CR1: variants seen among roughly 807,000 people sequenced by gnomAD.
The protein encoded by CR1 is complement C3b/C4b receptor 1 (Knops blood group).
A neutral mutation model predicts 187.3 loss-of-function variants in CR1; 116 were observed. That is an observed-to-expected ratio of 0.62 (90% confidence interval 0.53 to 0.72). The LOEUF is 0.72. CR1 is among the 30% of genes least tolerant of loss of function. The probability of loss-of-function intolerance (pLI) is 0.00; values close to 1 mark genes in which losing one functional copy is unlikely to be tolerated. For synonymous variants in CR1, 576 were observed against 747.1 expected (o/e 0.77, Z 3.73); for missense variants, 1,731 against 2,110.7 (o/e 0.82, Z 3.52).
intron 32 of CR1, 136 bp downstream of exon 32, chr1:207,582,139 T>C (rs1392861080): frequency 1.9e-6 from 1 of 522,008 alleles, no homozygotes; most frequent in African/African-American, 2.0e-5. Flanking sequence ...TTGGAATAGA[T>C]ACAAGCAATG....
At position 207,582,108 on chromosome 1, in the gene CR1, T is replaced by C. The variant is rs1324090522; in HGVS notation, c.5302+105T>C. The C allele has an allele frequency of 7.2e-6, 5 of 693,376 alleles. No individual in the cohort carries two copies. The African/African-American group carries it at 9.2e-5, about 13-fold the overall frequency. The allele number at this position is 693,376 out of a possible 1,614,324, so 43.0% of individuals were successfully genotyped here. ...GTTTGTCCCGCTGTTTGTGCCCGCT[T>C]TTGATAGAAATTGTTCTTTGTTGGA... On this transcript the variant is annotated intron_variant, in intron 32 of 46. Transcript: ENST00000367049.
intron 46 of CR1, among the ~76,000 whole-genome samples, chr1:207,638,489 T>C (rs371695873): frequency 2.6e-4 from 39 of 152,266 alleles, no homozygotes; most frequent in African/African-American, 8.4e-4. Flanking sequence ...AGACATCTGC[T>C]CCAGTGTCTA....
At chr1:207,632,839 A>G (rs1315126846) in intron 46 of CR1, among the ~76,000 whole-genome samples, 6 of 151,296 alleles carry the variant, frequency 4.0e-5, no homozygotes, top group Non-Finnish European at 5.9e-5. Context: ...AAAATAAGAC[A>G]GAAAATATTG....
At chr1:207,639,137 C>G (rs1662905519) in intron 46 of CR1, among the ~76,000 whole-genome samples, 2 of 152,202 alleles carry the variant, frequency 1.3e-5, no homozygotes, top group Non-Finnish European at 2.9e-5. Flanking sequence ...ATTGACTAGC[C>G]CAGTGTTTTC....
rs12753322 is a variant in CR1 at position 207,525,021 on chromosome 1, T to C, written c.886+1012T>C. 1.2e-3 allele frequency among the ~76,000 whole-genome samples: 184 copies of C among 152,040 alleles called. 2 individuals carry two copies. Among genetic ancestry groups the C allele is most frequent in the Middle Eastern group, 6.8e-3 (2 of 294 alleles). ...GGAAAGTTACAATCATGGTGGAAGG[T>C]AAAGAGGAAGCACGCATATCTTCAT... is the stretch of plus-strand genomic sequence containing the variant. On this transcript the variant is annotated intron_variant, in intron 5 of 46. Transcript: ENST00000367049.
In CR1 at chr1:207,584,833, T is replaced by C; in HGVS notation, c.5487T>C (p.Val1829=). 6.2e-7 allele frequency: 1 copy of C among 1,613,942 alleles called. No individual in the cohort carries two copies. The highest frequency in any genetic ancestry group is 8.5e-7 in the Non-Finnish European group (1 of 1,179,860). The change falls in exon 33 of 47, where the codon GTT becomes GTC. Residue 1829 remains valine, a synonymous_variant. Coordinates refer to ENST00000367049, the MANE Select transcript of CR1 (RefSeq NM_000651.6). ...RCTSDPHGNG[V]WSSPAPRCEL... ...CAAGTGACCCTCATGGGAATGGGGT[T>C]TGGAGCAGCCCTGCCCCTCGCTGTG... is the stretch of plus-strand genomic sequence containing the variant.
At chr1:207,587,360 G>T in intron 33 of CR1, 26 bp from the exon 34 acceptor site, 1 of 1,590,334 alleles carries the variant, frequency 6.3e-7, no homozygotes, top group South Asian at 1.1e-5. Context: ...TGCTAACTTT[G>T]ATATTCCTGT....
At chr1:207,565,356 CT>C (rs1298403679) in intron 23 of CR1, among the ~76,000 whole-genome samples, 2 of 150,376 alleles carry the variant, frequency 1.3e-5, no homozygotes, top group African/African-American at 5.0e-5. Context: ...CCTTTTGAGC[CT>C]TCTTCACGCC....
At chr1:207,609,923 G>A (rs953450680) in intron 37 of CR1, among the ~76,000 whole-genome samples, 1 of 152,226 alleles carries the variant, frequency 6.6e-6, no homozygotes, top group South Asian at 2.1e-4. Context: ...AATATATGAA[G>A]TAGCTACTAT....
chr1:207,604,270 A>G (rs1382037221), intron 35 of CR1, among the ~76,000 whole-genome samples: 1 of 152,144 alleles, frequency 6.6e-6, no homozygotes, highest in Admixed American at 6.6e-5. Flanking sequence ...ATTGATGTAT[A>G]AGAGTTGTTT....
intron 35 of CR1, chr1:207,605,874 G>C (rs1661735657): frequency 6.6e-6 from 1 of 152,146 alleles, no homozygotes; most frequent in South Asian, 2.1e-4. Flanking sequence ...ACGTAAAAGA[G>C]ACTCACTGTG....
chr1:207,608,510 A>G (rs765968261), intron 36 of CR1, among the ~76,000 whole-genome samples: 4 of 152,134 alleles, frequency 2.6e-5, no homozygotes, highest in Non-Finnish European at 5.9e-5. Flanking sequence ...GTAGTCACTA[A>G]TATTCTTCCC....
chr1:207,600,957 A>G (rs1661587245), intron 35 of CR1: 1 of 152,164 alleles, frequency 6.6e-6, no homozygotes, highest in Non-Finnish European at 1.5e-5. Flanking sequence ...AACTGTCCTC[A>G]GAGAAATTTT....
intron 4 of CR1, among the ~76,000 whole-genome samples, chr1:207,513,563 C>T (rs1175370806): frequency 6.6e-6 from 1 of 152,196 alleles, no homozygotes; most frequent in African/African-American, 2.4e-5. Flanking sequence ...TCTCAAATAT[C>T]AGGCTAATTT....
chr1:207,511,643 C>A lies in CR1; in HGVS notation c.476C>A (p.Pro159His). 2 of 1,612,508 alleles carry A rather than the reference C, an allele frequency of 1.2e-6. No homozygotes were observed. The highest frequency in any genetic ancestry group is 2.2e-5 in the East Asian group (1 of 44,858). Residue 159 changes from proline (P) to histidine (H), a missense_variant, in exon 4 of 47, where the codon CCT (proline) becomes CAT (histidine). Physicochemically the swap from Pro to His is moderately conservative, Grantham distance 77 (BLOSUM62 -2). Coordinates refer to ENST00000367049, the MANE Select transcript of CR1 (RefSeq NM_000651.6). Reference protein sequence around the residue: ...GDTVIWDNETPICDRIPCGLP... With the variant: ...GDTVIWDNETHICDRIPCGLP... The stretch of plus-strand genomic sequence containing the variant: ...ACTGTCATTTGGGATAATGAAACAC[C>A]TATTTGTGACAGTGAGTTGAAATAT...
At chr1:207,522,451 TC>T (rs1163633924) in intron 4 of CR1, among the ~76,000 whole-genome samples, 6 of 152,228 alleles carry the variant, frequency 3.9e-5, no homozygotes, top group Non-Finnish European at 8.8e-5. Flanking sequence ...TCCCTTAACT[TC>T]ATGAGAAAAT....
At position 207,567,986 on chromosome 1, in the gene CR1, G is replaced by A; in HGVS notation, c.4115G>A (p.Ser1372Asn). Residue 1372 changes from serine to asparagine, a missense_variant, in exon 25 of 47, where the codon AGT becomes AAT. Around this residue, in one of 5 missense-constraint regions of CR1, gnomAD observed 1,312 missense variants for 1,379.6 expected, o/e 0.95. Coordinates refer to ENST00000367049, the MANE Select transcript of CR1 (RefSeq NM_000651.6). ...LIGESTIRCT[S>N]DPQGNGVWSS... is the part of the protein sequence containing the mutation. ...GGAGAGAGCACCATCCGCTGCACAA[G>A]TGACCCTCAAGGGAATGGGGTTTGG... 1.2e-6 allele frequency: 2 copies of A among 1,610,542 alleles called. No individual in the cohort carries two copies. The highest frequency in any genetic ancestry group is 1.7e-6 in the Non-Finnish European group (2 of 1,179,588).
Position 207,576,558 on chromosome 1 carries a change from T to G in CR1, c.4537+878T>G, listed in dbSNP as rs536179872. Among the ~76,000 whole-genome samples, 46 of 152,336 alleles carry G rather than the reference T, an allele frequency of 3.0e-4. 1 individual carries two copies. The highest frequency in any genetic ancestry group is 9.1e-4 in the African/African-American group (38 of 41,584). ...CTGAGCCACGTGTGGTGACTCAAAC[T>G]TGTAATCCCAGCACTTTGGGAGGCC... On this transcript the variant is annotated intron_variant, in intron 28 of 46. Transcript: ENST00000367049.
intron 27 of CR1, among the ~76,000 whole-genome samples, chr1:207,573,320 A>T (rs1290075115): frequency 1.3e-5 from 2 of 152,198 alleles, no homozygotes; most frequent in Admixed American, 1.3e-4. Context: ...TTGCCAGCAT[A>T]GGCCTCACAG....
Sources: allele counts gnomAD v4.1 joint callset (sites outside exome capture counted in the v4.1 genomes callset), GRCh38; gene constraint gnomAD v4.1.1; regional missense constraint gnomAD v4.1.1; transcripts MANE v1.5; gene names NCBI Gene and HGNC (gene_info 2026-07-23, HGNC 2026-07-21).